Variants in CFAP58 observed in about 807,000 individuals in gnomAD.
CFAP58 encodes cilia- and flagella-associated protein 58.
Under a neutral mutation model 119.5 loss-of-function variants are expected in CFAP58, and 88 were observed. The observed-to-expected ratio is 0.74, with a 90% CI of 0.62 to 0.88. The LOEUF is 0.88. CFAP58 is among the 40% of genes least tolerant of loss of function. CFAP58 has a pLI of 0.00. For missense variants in CFAP58, 990 were observed against 1,021.2 expected (o/e 0.97, Z 0.42); for synonymous variants, 365 against 366.3 (o/e 1.00, Z 0.04).
chr10:104,367,116 C>A (rs1225204654), intron 5 of CFAP58, among the ~76,000 whole-genome samples: 6 of 152,106 alleles, frequency 3.9e-5, no homozygotes, highest in African/African-American at 1.4e-4. Flanking sequence ...GTCTTGGCCT[C>A]CCAGGGTGCT....
intron 15 of CFAP58, among the ~76,000 whole-genome samples, chr10:104,423,890 T>A (rs1457603239): frequency 6.6e-6 from 1 of 152,224 alleles, no homozygotes; most frequent in Non-Finnish European, 1.5e-5. Flanking sequence ...GAAACAGAGG[T>A]GCTTCTTACA....
upstream of CFAP58, among the ~76,000 whole-genome samples, chr10:104,349,409 C>T (rs75244104): frequency 0.017 from 2,642 of 152,334 alleles, 81 homozygotes; most frequent in African/African-American, 0.06. Context: ...TTTTCACTGT[C>T]ATTCCTCTCT....
intron 3 of CFAP58, among the ~76,000 whole-genome samples, chr10:104,363,456 G>A (rs1295982377): frequency 1.3e-5 from 2 of 152,160 alleles, no homozygotes; most frequent in African/African-American, 4.8e-5. Flanking sequence ...TTGGGAGAGG[G>A]AATAGGAAAT....
Position 104,376,885 on chromosome 10 carries a change from C to CTAAAA in CFAP58, c.1169_1170insATAAA (p.Asn390LysfsTer2). ...CGAGCTTCTAAGAGAAAGGGACATA[C>CTAAAA]TAAATAAGGTGAGTGTGTTACAGTC... On this transcript the variant is annotated frameshift_variant, in exon 8 of 18. Coordinates refer to ENST00000369704, the MANE Select transcript of CFAP58 (RefSeq NM_001008723.2). LOFTEE classifies it high-confidence loss of function. The CTAAAA allele has an allele frequency of 6.2e-7, 1 of 1,611,200 alleles. No homozygotes were observed. Among genetic ancestry groups the CTAAAA allele is most frequent in the Non-Finnish European group, 8.5e-7 (1 of 1,177,720 alleles).
the CFAP58 span, among the ~76,000 whole-genome samples, chr10:104,346,942 A>G: frequency 6.6e-6 from 1 of 151,834 alleles, no homozygotes; most frequent in Non-Finnish European, 1.5e-5. Flanking sequence ...GACCCACTTA[A>G]GCTTTTTAAC....
intron 9 of CFAP58, among the ~76,000 whole-genome samples, chr10:104,390,370 A>C (rs2133028734): frequency 6.6e-6 from 1 of 152,334 alleles, no homozygotes; most frequent in South Asian, 2.1e-4. Flanking sequence ...ATTAAGAGTA[A>C]TTATAAGATC....
intron 1 of CFAP58, among the ~76,000 whole-genome samples, chr10:104,357,800 TAC>T (rs201796960): frequency 0.024 from 3,451 of 141,918 alleles, 242 homozygotes; most frequent in African/African-American, 0.07. Context: ...TACATATATA[TAC>T]ACACATATAT....
chr10:104,449,942 A>C, intron 16 of CFAP58, 129 bp from the exon 17 acceptor site: 1 of 865,422 alleles, frequency 1.2e-6, no homozygotes, highest in Non-Finnish European at 1.8e-6. Flanking sequence ...GGAAGCATGC[A>C]GATTAATTGT....
At chr10:104,370,142 A>G (rs1193333324) in intron 6 of CFAP58, among the ~76,000 whole-genome samples, 1 of 152,208 alleles carries the variant, frequency 6.6e-6, no homozygotes, top group Non-Finnish European at 1.5e-5. Context: ...TATTTTATAT[A>G]TGTTAATAAC....
chr10:104,446,283 G>A (rs543924794), intron 15 of CFAP58, among the ~76,000 whole-genome samples: 1 of 152,154 alleles, frequency 6.6e-6, no homozygotes, highest in Non-Finnish European at 1.5e-5. Context: ...CGGGCTTTTG[G>A]ATTTCCTTGT....
At chr10:104,367,175 A>G (rs899182346) in intron 5 of CFAP58, among the ~76,000 whole-genome samples, 2 of 152,110 alleles carry the variant, frequency 1.3e-5, no homozygotes, top group Admixed American at 6.5e-5. Flanking sequence ...TTTATTTTTA[A>G]GTTATTTTCA....
In CFAP58 at chr10:104,358,573, C is replaced by T; in HGVS notation, c.242C>T (p.Ala81Val). ...GTGAATTCTGCGAAGGTCGCCACTGCCCTTAAGCTCTCTCAGGATGATCAG... is the reference window on the plus strand; with the variant it reads ...GTGAATTCTGCGAAGGTCGCCACTGTCCTTAAGCTCTCTCAGGATGATCAG... ...IVVNSAKVAT[A>V]LKLSQDDQTT... The change falls in exon 2 of 18, where the codon GCC becomes GTC. Residue 81 changes from alanine (A) to valine (V), a missense_variant. Physicochemically the swap from Ala to Val is moderately conservative, Grantham distance 64. Coordinates refer to ENST00000369704, the MANE Select transcript of CFAP58 (RefSeq NM_001008723.2). 6.2e-7 allele frequency: 1 copy of T among 1,614,068 alleles called. No individual in the cohort carries two copies. Among genetic ancestry groups the T allele is most frequent in the Non-Finnish European group, 8.5e-7 (1 of 1,179,988 alleles).
chr10:104,360,974 T>A (rs1210030250), intron 2 of CFAP58, among the ~76,000 whole-genome samples: 1 of 152,174 alleles, frequency 6.6e-6, no homozygotes, highest in African/African-American at 2.4e-5. Context: ...CCAGATCTCA[T>A]GAGAACTCAC....
intron 15 of CFAP58, among the ~76,000 whole-genome samples, chr10:104,414,743 C>T (rs895327420): frequency 3.3e-5 from 5 of 152,146 alleles, no homozygotes; most frequent in Admixed American, 2.0e-4. Context: ...AATCTCGGCT[C>T]ACTGCAAGCT....
At chr10:104,370,241 A>C (rs758784374) in intron 6 of CFAP58, among the ~76,000 whole-genome samples, 2 of 152,230 alleles carry the variant, frequency 1.3e-5, no homozygotes, top group Non-Finnish European at 2.9e-5. Context: ...CGTACAACTT[A>C]GCATTCTTAT....
chr10:104,375,671 G>A (rs1200037713), intron 7 of CFAP58, among the ~76,000 whole-genome samples: 3 of 152,084 alleles, frequency 2.0e-5, no homozygotes, highest in African/African-American at 7.2e-5. Flanking sequence ...CAAAGTGGTC[G>A]GGGTACAGCT....
At position 104,380,202 on chromosome 10, in the gene CFAP58, C is replaced by G. The variant is rs745405615; in HGVS notation, c.1347C>G (p.Ala449=). 14 of 1,613,664 alleles carry G rather than the reference C, an allele frequency of 8.7e-6. No individual in the cohort carries two copies. In the Middle Eastern group the frequency reaches 5.0e-4, roughly 57 times the overall value. ...AGCGTGACCGGTACATCAACCAAGC[C>G]AGTGACCTTACGCAAAAGGTAAGCT... ...EKERDRYINQ[A]SDLTQKVLMN... Residue 449 remains alanine, a synonymous_variant, in exon 9 of 18, where the codon GCC becomes GCG. Coordinates refer to ENST00000369704, the MANE Select transcript of CFAP58 (RefSeq NM_001008723.2).
At chr10:104,358,076 C>CAT (rs757296676) in intron 1 of CFAP58, among the ~76,000 whole-genome samples, 28 of 144,240 alleles carry the variant, frequency 1.9e-4, no homozygotes, top group Admixed American at 3.4e-4. Flanking sequence ...CACATATGTA[C>CAT]ATATATATAC....
Position 104,366,970 on chromosome 10 carries a change from C to A in CFAP58, c.792+962C>A, listed in dbSNP as rs530299689. Among the ~76,000 whole-genome samples the A allele has an allele frequency of 2.2e-4, 33 of 152,136 alleles. No homozygotes were observed. In the East Asian group the frequency reaches 5.4e-3, roughly 25 times the overall value. On this transcript the variant is annotated intron_variant, in intron 5 of 17. Coordinates refer to ENST00000369704, the MANE Select transcript of CFAP58 (RefSeq NM_001008723.2). Reference sequence around the variant, plus strand: ...GCAACCTCCACCTCCTGGGTTGAAGCGATTCTCCTGCCTCAGTCTCCCGAG... The same window carrying A: ...GCAACCTCCACCTCCTGGGTTGAAGAGATTCTCCTGCCTCAGTCTCCCGAG...
Sources: gnomAD v4.1 joint callset for allele counts (sites outside exome capture counted in the v4.1 genomes callset) on GRCh38, gnomAD v4.1.1 for gene constraint, MANE v1.5 for transcripts, NCBI Gene and HGNC (gene_info 2026-07-23, HGNC 2026-07-21) for gene names.